The following P2RY12 variants were observed in gnomAD, a reference collection of about 807,000 sequenced individuals.
P2RY12 encodes P2Y purinoceptor 12.
A neutral mutation model predicts 4.5 loss-of-function variants in P2RY12; 3 were observed. The observed-to-expected ratio is 0.67, with a 90% CI of 0.31 to 1.74. The LOEUF (loss-of-function observed/expected upper bound fraction) is 1.74. Among genes scored for constraint, P2RY12 ranks in the 40% most tolerant of loss-of-function variants. The pLI is 0.09. For missense variants in P2RY12, 356 were observed against 407.8 expected (o/e 0.87, Z 1.09); for synonymous variants, 148 against 154.1 (o/e 0.96, Z 0.29).
chr3:151,348,001 T>C lies in P2RY12; in HGVS notation c.-179-7241A>G, dbSNP rs1253616190. Among the ~76,000 whole-genome samples the C allele has an allele frequency of 4.6e-5, 7 of 152,284 alleles. No individual in the cohort carries two copies. In the East Asian group the frequency reaches 1.2e-3, roughly 25 times the overall value. ...GAGGAGCACGTGGCTCTTTCTAGGA[T>C]GCTTTCCTTCACCACCCCTCTTTGG... On this transcript the variant is annotated intron_variant, in intron 1 of 2. Transcript: ENST00000302632.
intron 1 of P2RY12, among the ~76,000 whole-genome samples, chr3:151,354,127 C>T (rs1335919750): frequency 4.7e-5 from 5 of 106,718 alleles, no homozygotes; most frequent in Non-Finnish European, 6.9e-5. Context: ...GGCGACAGAG[C>T]GAGACTCCGT....
intron 1 of P2RY12, among the ~76,000 whole-genome samples, chr3:151,356,659 C>T (rs1753961189): frequency 6.6e-6 from 1 of 150,934 alleles, no homozygotes. Context: ...TTCTTTTGGT[C>T]TTTGTTATTT....
chr3:151,372,503 C>T (rs1203723768), intron 1 of P2RY12: 2 of 1,175,980 alleles, frequency 1.7e-6, no homozygotes, highest in African/African-American at 3.0e-5. Flanking sequence ...TCCTCATTTG[C>T]TCCTCAATTA....
chr3:151,338,778 A>T lies in P2RY12; in HGVS notation c.68T>A (p.Ile23Asn), dbSNP rs758305935. 1.9e-6 allele frequency: 3 copies of T among 1,613,944 alleles called. No individual in the cohort carries two copies. Among genetic ancestry groups the T allele is most frequent in the East Asian group, 4.5e-5 (2 of 44,880 alleles). The change falls in exon 3 of 3, where the codon ATC (isoleucine) becomes AAC (asparagine). Residue 23 changes from isoleucine to asparagine, a missense_variant. Ile to Asn is a moderately radical substitution (Grantham distance 149, BLOSUM62 -3). Coordinates refer to ENST00000302632, the MANE Select transcript of P2RY12 (RefSeq NM_022788.5). ...GAGCAGTGGGAAGAGGACCTGGGTGATTTTGTAGTCTCTGGTGCACAGACT... is the reference window on the plus strand; with the variant it reads ...GAGCAGTGGGAAGAGGACCTGGGTGTTTTTGTAGTCTCTGGTGCACAGACT... The part of the protein sequence containing the change: ...NTSLCTRDYK[I>N]TQVLFPLLYT...
chr3:151,348,340 C>CA (rs11382065), intron 1 of P2RY12, among the ~76,000 whole-genome samples: 1,895 of 87,620 alleles, frequency 0.022, 13 homozygotes, highest in African/African-American at 0.047. Context: ...ACCACCAGAC[C>CA]AAAAAAAAAA....
Position 151,355,083 on chromosome 3 carries a change from TA to T in P2RY12, c.-179-14324del, listed in dbSNP as rs753487697. On this transcript the variant is annotated intron_variant, in intron 1 of 2. Coordinates refer to ENST00000302632, the MANE Select transcript of P2RY12 (RefSeq NM_022788.5). ...CATTAAAAATGTCGAGAGCTTCTAT[TA>T]AATGGAAAATAATGGATCTGCTTTA... The T allele has an allele frequency of 6.7e-6, 10 of 1,501,214 alleles. No homozygotes were observed. The South Asian group carries it at 1.0e-4, about 16-fold the overall frequency. The allele number at this position is 1,501,214 out of a possible 1,614,324, so 93.0% of individuals were successfully genotyped here.
At position 151,357,410 on chromosome 3, in the gene P2RY12, A is replaced by G. The variant is rs770237030; in HGVS notation, c.-179-16650T>C. On this transcript the variant is annotated intron_variant, in intron 1 of 2. Transcript: ENST00000302632. ...ATAGCATGTCATTGTTGTTTTTCCA[A>G]TCTCAGAATGTATAACTAGTGATGA... 2 of 1,531,016 alleles carry G rather than the reference A, an allele frequency of 1.3e-6. 1 individual carries two copies. The highest frequency in any genetic ancestry group is 2.5e-5 in the South Asian group (2 of 79,648). 94.8% of individuals were successfully genotyped at this position (1,531,016 alleles called of 1,614,324 possible).
chr3:151,367,268 G>A (rs1028369705), intron 1 of P2RY12, among the ~76,000 whole-genome samples: 1 of 152,100 alleles, frequency 6.6e-6, no homozygotes, highest in Non-Finnish European at 1.5e-5. Flanking sequence ...GGAGCCTCCT[G>A]GTTTTTCCCT....
chr3:151,380,903 C>G (rs1712205842), intron 1 of P2RY12, among the ~76,000 whole-genome samples: 1 of 152,204 alleles, frequency 6.6e-6, no homozygotes. Context: ...CATTATCAGG[C>G]ACGCTTTCAG....
At chr3:151,356,315 C>T (rs1422024568) in intron 1 of P2RY12, among the ~76,000 whole-genome samples, 4 of 151,904 alleles carry the variant, frequency 2.6e-5, no homozygotes, top group African/African-American at 9.7e-5. Flanking sequence ...TCACTTAAGC[C>T]CAGGAGGTCA....
intron 1 of P2RY12, among the ~76,000 whole-genome samples, chr3:151,375,705 G>A (rs540922603): frequency 3.5e-4 from 53 of 152,102 alleles, no homozygotes; most frequent in African/African-American, 1.2e-3. Context: ...TATATAGCAA[G>A]TTAGAAAAAA....
intron 1 of P2RY12, chr3:151,364,838 G>A (rs1668333476): frequency 3.2e-6 from 2 of 627,626 alleles, no homozygotes; most frequent in Middle Eastern, 4.4e-4. Context: ...TTAGTAAGAA[G>A]TTCTAATTAA....
At chr3:151,350,435 A>G (rs1247033512) in intron 1 of P2RY12, among the ~76,000 whole-genome samples, 1 of 152,030 alleles carries the variant, frequency 6.6e-6, no homozygotes, top group Non-Finnish European at 1.5e-5. Context: ...ATATTATTTT[A>G]TTAAAATATT....
chr3:151,355,328 T>C (rs1178590882), intron 1 of P2RY12: 5 of 792,678 alleles, frequency 6.3e-6, no homozygotes, highest in Non-Finnish European at 1.1e-5. Flanking sequence ...TCAACCTTAA[T>C]GGTTTTAGAC....
chr3:151,368,768 T>C, intron 1 of P2RY12, among the ~76,000 whole-genome samples: 4 of 145,076 alleles, frequency 2.8e-5, no homozygotes, highest in Admixed American at 7.0e-5. Flanking sequence ...TCATTTTTTT[T>C]TTTTTTTTTC....
At chr3:151,375,545 C>A (rs7633828) in intron 1 of P2RY12, among the ~76,000 whole-genome samples, 17,661 of 152,086 alleles carry the variant, frequency 0.12, 1,322 homozygotes, top group Middle Eastern at 0.18. Flanking sequence ...ATGTGCACTA[C>A]TACTCATTTA....
chr3:151,358,460 A>T (rs1250076344), intron 1 of P2RY12, among the ~76,000 whole-genome samples: 1 of 152,152 alleles, frequency 6.6e-6, no homozygotes. Flanking sequence ...AATCTTTCGA[A>T]CTGGAAGCTT....
At chr3:151,340,891 G>A (rs925244489) in intron 1 of P2RY12, 131 bp from the exon 2 acceptor site, 1 of 152,184 alleles carries the variant, frequency 6.6e-6, no homozygotes, top group African/African-American at 2.4e-5. Context: ...TTATTTCCCA[G>A]GAAATGTGGG....
intron 1 of P2RY12, among the ~76,000 whole-genome samples, chr3:151,342,894 A>G (rs1352756172): frequency 6.6e-6 from 1 of 152,170 alleles, no homozygotes; most frequent in Non-Finnish European, 1.5e-5. Flanking sequence ...CACTTTATTA[A>G]TAATCTCAAC....
Sources: allele counts gnomAD v4.1 joint callset (sites outside exome capture counted in the v4.1 genomes callset), GRCh38; gene constraint gnomAD v4.1.1; transcripts MANE v1.5; gene names NCBI Gene and HGNC (gene_info 2026-07-23, HGNC 2026-07-21).